DDX25: variants seen among roughly 807,000 people sequenced by gnomAD.
The protein encoded by DDX25 is DEAD-box helicase 25.
In DDX25, 70 loss-of-function variants were observed where a neutral mutation model predicts 64.6. That is an observed-to-expected ratio of 1.08 (90% CI 0.89 to 1.32). The LOEUF (loss-of-function observed/expected upper bound fraction) is 1.32. DDX25 is among the 40% of genes most tolerant of loss of function. The probability of loss-of-function intolerance (pLI) is 0.00; values close to 1 mark genes in which losing one functional copy is unlikely to be tolerated. For synonymous variants in DDX25, 211 were observed against 213.3 expected, an observed-to-expected ratio of 0.99 and a Z score of 0.09; for missense variants, 587 against 604.4, an observed-to-expected ratio of 0.97 and a Z score of 0.30.
intron 8 of DDX25, among the ~76,000 whole-genome samples, chr11:125,912,519 T>C (rs1400768996): frequency 6.6e-6 from 1 of 152,248 alleles, no homozygotes; most frequent in African/African-American, 2.4e-5. Context: ...TATTTGCATG[T>C]AACTTATACA....
chr11:125,918,922 T>C, intron 10 of DDX25, 132 bp downstream of exon 10: 1 of 1,117,686 alleles, frequency 8.9e-7, no homozygotes, highest in Non-Finnish European at 1.2e-6. Context: ...ATACAGAGCA[T>C]CTCCATCTCC....
In DDX25 at chr11:125,918,799, T is replaced by C; in HGVS notation, c.1201+9T>C. On this transcript the variant is annotated intron_variant, in intron 10 of 11. Transcript: ENST00000263576. ...TAATGTTTGTGCCCGAGGTGTGTGT[T>C]AAAAGTCAGGTCTTGAGTTCTAATT... is the stretch of plus-strand genomic sequence containing the variant. 1.3e-6 allele frequency: 2 copies of C among 1,556,204 alleles called. No homozygotes were observed. Among genetic ancestry groups the C allele is most frequent in the South Asian group, 1.2e-5 (1 of 84,586 alleles).
In DDX25 at chr11:125,921,347, T is replaced by A; in HGVS notation, c.1358T>A (p.Leu453Gln). ...LAFNMIEVDELPSLMKIQDHF... is the reference protein window; with the variant it reads ...LAFNMIEVDEQPSLMKIQDHF... The stretch of plus-strand genomic sequence containing the variant: ...TTCAACATGATTGAAGTAGATGAGC[T>A]GCCCTCGCTCATGAAAATCCAGGAC... The change falls in exon 11 of 12, where the codon CTG becomes CAG. Residue 453 changes from leucine (L) to glutamine (Q), a missense_variant. Physicochemically the swap from Leu to Gln is moderately radical, Grantham distance 113 (BLOSUM62 -2). Transcript: ENST00000263576. This position sits in a 1 kb window ranked among gnomAD's most constrained non-coding sequence, Gnocchi z 4.1. 3 of 1,613,874 alleles carry A rather than the reference T, an allele frequency of 1.9e-6. No homozygotes were observed. Among genetic ancestry groups the A allele is most frequent in the Non-Finnish European group, 2.5e-6 (3 of 1,179,868 alleles).
At chr11:125,906,264 C>G in intron 4 of DDX25, 55 bp downstream of exon 4, 1 of 1,491,494 alleles carries the variant, frequency 6.7e-7, no homozygotes, top group Non-Finnish European at 8.9e-7. Context: ...ACAGAACAAA[C>G]GCATCTGCTT....
rs532083717 is a variant in DDX25 at position 125,927,531 on chromosome 11, T to C, written c.*4650T>C. 26 of 152,376 alleles carry C rather than the reference T, an allele frequency of 1.7e-4. No individual in the cohort carries two copies. Among genetic ancestry groups the C allele is most frequent in the African/African-American group, 5.8e-4 (24 of 41,586 alleles). The allele number at this position is 152,376 out of a possible 1,614,324, so 9.4% of individuals were successfully genotyped here. ...GTTCAGTAGAATAACCATGGGTTTC[T>C]CTATTCCAGTTTCTAGAATATAATT... On this transcript the variant is annotated 3_prime_UTR_variant, in exon 12 of 12. Transcript: ENST00000263576.
In DDX25 at chr11:125,921,410, A is replaced by G. The variant is rs1344429536; in HGVS notation, c.1390+31A>G. ...TAGCACCACCCTCACAATATGAACT[A>G]CAGACCTGCCGGTCTGACAGTGATG... On this transcript the variant is annotated intron_variant, in intron 11 of 11. Transcript: ENST00000263576. The surrounding 1 kb of genome is among the most constrained non-coding windows in gnomAD (Gnocchi z 4.1). 4 of 1,602,182 alleles carry G rather than the reference A, an allele frequency of 2.5e-6. No homozygotes were observed. Among genetic ancestry groups the G allele is most frequent in the African/African-American group, 1.3e-5 (1 of 74,632 alleles).
rs1371130003 is a variant in DDX25 at position 125,925,321 on chromosome 11, C to T, written c.*2440C>T. ...TCTGCATGAACCAGGTATTTTTCTG[C>T]GTTCCCTTTTGCCCCCTCCTCACGT... On this transcript the variant is annotated 3_prime_UTR_variant, in exon 12 of 12. Coordinates refer to ENST00000263576, the MANE Select transcript of DDX25 (RefSeq NM_013264.5). The T allele has an allele frequency of 4.6e-6, 2 of 432,534 alleles. No individual in the cohort carries two copies. The highest frequency in any genetic ancestry group is 7.2e-5 in the East Asian group (1 of 13,920). The allele number at this position is 432,534 out of a possible 1,614,324, so 26.8% of individuals were successfully genotyped here.
At chr11:125,917,934 A>G (rs1328995087) in intron 9 of DDX25, among the ~76,000 whole-genome samples, 1 of 152,096 alleles carries the variant, frequency 6.6e-6, no homozygotes, top group Non-Finnish European at 1.5e-5. Context: ...GCTGGAGTGC[A>G]ATGGCATGAT....
Position 125,921,133 on chromosome 11 carries a change from A to G in DDX25, c.1202-58A>G. On this transcript the variant is annotated intron_variant, in intron 10 of 11. Transcript: ENST00000263576. The surrounding 1 kb of genome is among the most constrained non-coding windows in gnomAD (Gnocchi z 4.1). ...ATTCCCTTGGCAGACGTGGTACTTG[A>G]ATGGCCCGTGTACTGAGGAAAGCAT... 6.8e-7 allele frequency: 1 copy of G among 1,479,400 alleles called. No individual in the cohort carries two copies. The highest frequency in any genetic ancestry group is 9.0e-7 in the Non-Finnish European group (1 of 1,106,058). 91.6% of individuals were successfully genotyped at this position (1,479,400 alleles called of 1,614,324 possible). A position where few individuals can be genotyped will look rare whatever the true frequency, so the allele number is the denominator to read the frequency against.
chr11:125,917,333 C>T (rs1945052950), intron 9 of DDX25, 82 bp downstream of exon 9: 3 of 1,313,956 alleles, frequency 2.3e-6, no homozygotes, highest in African/African-American at 2.9e-5. Flanking sequence ...GCCCTAGAGC[C>T]AGGCACCATG....
chr11:125,920,531 G>A (rs1433949133), intron 10 of DDX25, among the ~76,000 whole-genome samples: 4 of 152,228 alleles, frequency 2.6e-5, no homozygotes, highest in African/African-American at 9.6e-5. Flanking sequence ...CTTGACTGGA[G>A]TGTTGTATTT....
chr11:125,909,735 G>T (rs1336771126), intron 6 of DDX25, among the ~76,000 whole-genome samples: 1 of 147,074 alleles, frequency 6.8e-6, no homozygotes, highest in Admixed American at 6.9e-5. Context: ...TGCAACCTTT[G>T]CCCCCCCGGG....
At position 125,921,426 on chromosome 11, in the gene DDX25, G is replaced by A; in HGVS notation, c.1390+47G>A. On this transcript the variant is annotated intron_variant, in intron 11 of 11. Coordinates refer to ENST00000263576, the MANE Select transcript of DDX25 (RefSeq NM_013264.5). The surrounding 1 kb of genome is among the most constrained non-coding windows in gnomAD (Gnocchi z 4.1). ...ATATGAACTACAGACCTGCCGGTCT[G>A]ACAGTGATGATGTGTGCTGGAGAGC... 1 of 1,586,788 alleles carries A rather than the reference G, an allele frequency of 6.3e-7. No individual in the cohort carries two copies. Among genetic ancestry groups the A allele is most frequent in the Admixed American group, 1.7e-5 (1 of 57,958 alleles).
chr11:125,908,579 CAATGATA>C, intron 6 of DDX25, 76 bp downstream of exon 6: 1 of 1,285,434 alleles, frequency 7.8e-7, no homozygotes, highest in Non-Finnish European at 1.1e-6. Context: ...TATTCCTGTG[CAATGATA>C]TGGTTACTAT....
intron 11 of DDX25, 66 bp from the exon 12 acceptor site, chr11:125,922,754 T>C (rs1945130146): frequency 2.1e-6 from 3 of 1,427,954 alleles, no homozygotes; most frequent in South Asian, 2.6e-5. Flanking sequence ...TTCAGAAATA[T>C]GGATGGAATG....
rs1471007240 is a variant in DDX25 at position 125,911,334 on chromosome 11, A to C, written c.646A>C (p.Lys216Gln). 15 of 1,613,322 alleles carry C rather than the reference A, an allele frequency of 9.3e-6. No individual in the cohort carries two copies. Among genetic ancestry groups the C allele is most frequent in the Non-Finnish European group, 1.1e-5 (13 of 1,179,646 alleles). Residue 216 changes from lysine to glutamine, a missense_variant, in exon 8 of 12, where the codon AAA (lysine) becomes CAA (glutamine). Physicochemically the swap from Lys to Gln is moderately conservative, Grantham distance 53. Coordinates refer to ENST00000263576, the MANE Select transcript of DDX25 (RefSeq NM_013264.5). ...NRIPRGTDIT[K>Q]QIIIGTPGTV... ...AGTTCCCAGAGGCACCGACATCACTAAACAGATTATAATTGGCACTCCTGG... is the reference window on the plus strand; with the variant it reads ...AGTTCCCAGAGGCACCGACATCACTCAACAGATTATAATTGGCACTCCTGG...
At chr11:125,904,747 C>T in intron 1 of DDX25, 167 bp downstream of exon 1, 1 of 820,552 alleles carries the variant, frequency 1.2e-6, no homozygotes, top group Non-Finnish European at 1.9e-6. Flanking sequence ...GAGGGAGACC[C>T]CGTCCCCACC....
intron 7 of DDX25, 126 bp from the exon 8 acceptor site, chr11:125,911,185 G>T (rs1045443973): frequency 1.1e-6 from 1 of 904,588 alleles, no homozygotes; most frequent in Non-Finnish European, 1.5e-6. Flanking sequence ...GACCCTCGGG[G>T]TTTCCACTTG....
chr11:125,926,922 C>G lies in DDX25; in HGVS notation c.*4041C>G, dbSNP rs567264711. The G allele has an allele frequency of 6.6e-6, 1 of 152,304 alleles. No homozygotes were observed. Among genetic ancestry groups the G allele is most frequent in the African/African-American group, 2.4e-5 (1 of 41,446 alleles). The allele number at this position is 152,304 out of a possible 1,614,324, so 9.4% of individuals were successfully genotyped here. ...ATCCGCAGGTTGATGTTTTCACCCT[C>G]GGGGTTCTGCCTTATCCCCTGCCAC... On this transcript the variant is annotated 3_prime_UTR_variant, in exon 12 of 12. Transcript: ENST00000263576.
Sources: allele counts gnomAD v4.1 joint callset (sites outside exome capture counted in the v4.1 genomes callset), GRCh38; gene constraint gnomAD v4.1.1; non-coding constraint Gnocchi (gnomAD v3.1); transcripts MANE v1.5; gene names NCBI Gene and HGNC (gene_info 2026-07-23, HGNC 2026-07-21).